Variants in WWOX observed in about 807,000 individuals in gnomAD.
The protein encoded by WWOX is WW domain containing oxidoreductase, also known as WW domain-containing oxidoreductase.
A neutral mutation model predicts 46.2 loss-of-function variants in WWOX; 69 were observed. The observed-to-expected ratio is 1.49, with a 90% CI of 1.23 to 1.82. The LOEUF (loss-of-function observed/expected upper bound fraction) is 1.82. Among genes scored for constraint, WWOX ranks in the 40% most tolerant of loss-of-function variants. WWOX has a pLI of 0.00. For missense variants in WWOX, 919 were observed against 542.6 expected, an observed-to-expected ratio of 1.69 and a Z score of -6.89; for synonymous variants, 359 against 202.6, an observed-to-expected ratio of 1.77 and a Z score of -6.56.
At chr16:79,036,089 C>A (rs1306997712) in intron 8 of WWOX, among the ~76,000 whole-genome samples, 1 of 152,214 alleles carries the variant, frequency 6.6e-6, no homozygotes, top group African/African-American at 2.4e-5. Flanking sequence ...CCTGCTCTCT[C>A]CATTTCTCAT....
At chr16:78,859,019 AAAAAAAAAATATATATATATATATAT>A (rs2052643350) in intron 8 of WWOX, among the ~76,000 whole-genome samples, 2 of 36,090 alleles carry the variant, frequency 5.5e-5, no homozygotes, top group Admixed American at 3.3e-4. Context: ...AAAAAAAAAA[AAAAAAAAAATATATATATATATATAT>A]ATATGTATAT....
intron 8 of WWOX, among the ~76,000 whole-genome samples, chr16:78,831,062 C>T (rs903209228): frequency 6.6e-6 from 1 of 152,140 alleles, no homozygotes; most frequent in African/African-American, 2.4e-5. Context: ...GGAGTGAATT[C>T]TGTAAGAGAA....
chr16:78,676,617 A>G (rs112591688), intron 8 of WWOX, among the ~76,000 whole-genome samples: 2 of 152,252 alleles, frequency 1.3e-5, no homozygotes, highest in East Asian at 1.9e-4. Flanking sequence ...TTTATTAATG[A>G]TGTGCTGTCA....
chr16:79,155,633 A>T (rs1037697775), intron 8 of WWOX, among the ~76,000 whole-genome samples: 1 of 148,950 alleles, frequency 6.7e-6, no homozygotes, highest in African/African-American at 2.6e-5. Flanking sequence ...TCAATGATAC[A>T]GTGCGCATGA....
intron 8 of WWOX, among the ~76,000 whole-genome samples, chr16:78,864,253 C>T (rs1052769238): frequency 1.3e-5 from 2 of 151,342 alleles, no homozygotes; most frequent in African/African-American, 4.8e-5. Flanking sequence ...AGAATGGAGC[C>T]CTTTTTTACT....
chr16:79,025,921 C>A (rs957382620), intron 8 of WWOX, among the ~76,000 whole-genome samples: 1 of 147,766 alleles, frequency 6.8e-6, no homozygotes, highest in African/African-American at 2.6e-5. Context: ...GCCTCACCCT[C>A]CCGAGTAGCT....
At chr16:79,007,472 G>GT (rs774750395) in intron 8 of WWOX, among the ~76,000 whole-genome samples, 2 of 152,188 alleles carry the variant, frequency 1.3e-5, no homozygotes, top group Non-Finnish European at 2.9e-5. Flanking sequence ...GGGATTGTTA[G>GT]TAACTGTTGC....
intron 8 of WWOX, among the ~76,000 whole-genome samples, chr16:78,880,076 T>C (rs1009111396): frequency 2.0e-5 from 3 of 152,216 alleles, no homozygotes; most frequent in African/African-American, 7.2e-5. Flanking sequence ...GAGTTGATGA[T>C]ACCGTATGCA....
At chr16:78,945,510 C>G (rs546375241) in intron 8 of WWOX, among the ~76,000 whole-genome samples, 1 of 152,248 alleles carries the variant, frequency 6.6e-6, no homozygotes, top group Non-Finnish European at 1.5e-5. Flanking sequence ...TTTTGTAAAT[C>G]TCTTCTGTTA....
intron 8 of WWOX, among the ~76,000 whole-genome samples, chr16:78,476,450 C>CT (rs1325485713): frequency 3.3e-5 from 5 of 152,012 alleles, no homozygotes; most frequent in African/African-American, 1.2e-4. Flanking sequence ...ACACCGGGGC[C>CT]TGTTGTGGGG....
chr16:78,993,651 C>T (rs951894868), intron 8 of WWOX, among the ~76,000 whole-genome samples: 1 of 152,186 alleles, frequency 6.6e-6, no homozygotes, highest in East Asian at 1.9e-4. Context: ...ATGGCTGTCT[C>T]TTAGTTTTGT....
chr16:79,089,119 C>G (rs912628271), intron 8 of WWOX, among the ~76,000 whole-genome samples: 3 of 152,104 alleles, frequency 2.0e-5, no homozygotes, highest in Non-Finnish European at 4.4e-5. Context: ...TGTGACTTTT[C>G]ATCAGGAAGG....
At chr16:79,044,013 T>C (rs956096241) in intron 8 of WWOX, among the ~76,000 whole-genome samples, 1 of 152,336 alleles carries the variant, frequency 6.6e-6, no homozygotes, top group South Asian at 2.1e-4. Flanking sequence ...GCCTGAGTTA[T>C]GTGCTCTCTC....
At chr16:78,301,311 T>G (rs563233700) in intron 5 of WWOX, among the ~76,000 whole-genome samples, 3 of 152,374 alleles carry the variant, frequency 2.0e-5, no homozygotes, top group African/African-American at 7.2e-5. Context: ...CTTATTAGTC[T>G]GTTTATTAAA....
chr16:79,111,565 C>A (rs1022712698), intron 8 of WWOX, among the ~76,000 whole-genome samples: 1 of 151,702 alleles, frequency 6.6e-6, no homozygotes, highest in African/African-American at 2.4e-5. Context: ...TGAAAGAGTA[C>A]GATGGGGGAA....
chr16:78,176,803 A>T (rs1432629280), intron 5 of WWOX, among the ~76,000 whole-genome samples: 1 of 152,222 alleles, frequency 6.6e-6, no homozygotes, highest in Non-Finnish European at 1.5e-5. Flanking sequence ...AAGCAATAAG[A>T]AGATAAAAAT....
At chr16:78,972,252 G>A (rs2046485791) in intron 8 of WWOX, among the ~76,000 whole-genome samples, 1 of 152,122 alleles carries the variant, frequency 6.6e-6, no homozygotes, top group Non-Finnish European at 1.5e-5. Context: ...TTCATGTAAT[G>A]TTGCTGTTTG....
rs192631383 is a variant in WWOX, at chr16:78,532,430, C to A, written c.1056+99678C>A. ...ATAGTAAGTTCCTGCCTAGGCTCTC[C>A]CCTGAAGCTGAAATGCATGAACATG... On this transcript the variant is annotated intron_variant, in intron 8 of 8. Coordinates refer to ENST00000566780, the MANE Select transcript of WWOX (RefSeq NM_016373.4). Among the ~76,000 whole-genome samples the A allele has an allele frequency of 5.1e-3, 774 of 152,116 alleles. 9 individuals carry two copies. The highest frequency in any genetic ancestry group is 0.018 in the African/African-American group (752 of 41,500).
At chr16:78,688,992 T>C (rs2047925713) in intron 8 of WWOX, among the ~76,000 whole-genome samples, 1 of 152,172 alleles carries the variant, frequency 6.6e-6, no homozygotes, top group Admixed American at 6.5e-5. Context: ...TCCACCATGA[T>C]TGTAAGTTTC....
Sources: gnomAD v4.1 joint callset for allele counts (sites outside exome capture counted in the v4.1 genomes callset) on GRCh38, gnomAD v4.1.1 for gene constraint, MANE v1.5 for transcripts, NCBI Gene and HGNC (gene_info 2026-07-23, HGNC 2026-07-21) for gene names.